YTHDC2: variants seen among roughly 807,000 people sequenced by gnomAD.
YTHDC2 encodes 3'-5' RNA helicase YTHDC2.
In YTHDC2, 45 loss-of-function variants were observed where a neutral mutation model predicts 174.9. The observed-to-expected ratio is 0.26, with a 90% confidence interval of 0.20 to 0.33. The LOEUF is 0.33. Among genes scored for constraint, YTHDC2 ranks in the 10% least tolerant of loss-of-function variants. The probability of loss-of-function intolerance (pLI) is 1.00; values close to 1 mark genes in which losing one functional copy is unlikely to be tolerated. For synonymous variants in YTHDC2, 657 were observed against 574.5 expected, an observed-to-expected ratio of 1.14 and a Z score of -2.05; for missense variants, 1,650 against 1,723.7, an observed-to-expected ratio of 0.96 and a Z score of 0.76.
At position 113,591,059 on chromosome 5, in the gene YTHDC2, C is replaced by G. The variant is rs755524541; in HGVS notation, c.3844C>G (p.Pro1282Ala). 6.2e-7 allele frequency: 1 copy of G among 1,613,718 alleles called. No homozygotes were observed. Among genetic ancestry groups the G allele is most frequent in the South Asian group, 1.1e-5 (1 of 91,050 alleles). Residue 1282 changes from proline to alanine, a missense_variant, in exon 27 of 30, where the codon CCA (proline) becomes GCA (alanine). By Grantham distance (27) the Pro-to-Ala change is conservative. Transcript: ENST00000161863. ...TTTATAGGGCTCAAAATCTCCTTCG[C>G]CAAGACCAAACATGCCTGTTCGATA... ...SSGKGSKSPS[P>A]RPNMPVRYFI...
chr5:113,535,909 C>A (rs1009525334), intron 7 of YTHDC2, 111 bp downstream of exon 7: 6 of 856,054 alleles, frequency 7.0e-6, no homozygotes, highest in Non-Finnish European at 1.7e-6. Context: ...CATCTATTAC[C>A]GTTCCACCTG....
chr5:113,544,748 C>G (rs1775739889), intron 10 of YTHDC2, among the ~76,000 whole-genome samples: 1 of 151,340 alleles, frequency 6.6e-6, no homozygotes. Flanking sequence ...TTTAATATAA[C>G]ATGATATCTG....
At chr5:113,549,116 G>T (rs1011160755) in intron 12 of YTHDC2, 96 bp downstream of exon 12, 2 of 1,037,206 alleles carry the variant, frequency 1.9e-6, no homozygotes, top group African/African-American at 3.3e-5. Context: ...ACCATTTATA[G>T]TCTTTTATCC....
intron 19 of YTHDC2, 51 bp downstream of exon 19, chr5:113,563,543 A>T: frequency 9.8e-6 from 15 of 1,529,794 alleles, no homozygotes; most frequent in Non-Finnish European, 1.3e-5. Flanking sequence ...TTGAAATTTT[A>T]AACTAAAAGG....
chr5:113,569,827 C>T (rs1777597350), intron 23 of YTHDC2, among the ~76,000 whole-genome samples: 1 of 152,100 alleles, frequency 6.6e-6, no homozygotes, highest in Admixed American at 6.5e-5. Context: ...GCTATATGGT[C>T]TCTTTTGGTT....
chr5:113,589,408 A>AAAAAATATATATATATATATAT (rs368975720), intron 26 of YTHDC2, among the ~76,000 whole-genome samples: 2 of 123,258 alleles, frequency 1.6e-5, no homozygotes, highest in African/African-American at 3.4e-5. Context: ...AAAAAAAAAA[A>AAAAAATATATATATATATATAT]ATATATATAT....
At chr5:113,555,991 C>A in intron 16 of YTHDC2, 61 bp from the exon 17 acceptor site, 2 of 988,556 alleles carry the variant, frequency 2.0e-6, no homozygotes. Context: ...TGATAACATT[C>A]TTGCTATTAC....
intron 12 of YTHDC2, among the ~76,000 whole-genome samples, chr5:113,552,588 C>T (rs1459535327): frequency 6.6e-6 from 1 of 152,046 alleles, no homozygotes. Context: ...GTTGTTTCCA[C>T]TTTCTGACTA....
rs761709790 is a variant in YTHDC2 at position 113,525,142 on chromosome 5, A to T, written c.440A>T (p.Lys147Ile). 1.9e-6 allele frequency: 3 copies of T among 1,603,662 alleles called. No homozygotes were observed. In the African/African-American group the frequency reaches 4.0e-5, roughly 22 times the overall value. The change falls in exon 3 of 30, where the codon AAA (lysine) becomes ATA (isoleucine). Residue 147 changes from lysine (K) to isoleucine (I), a missense_variant. Transcript: ENST00000161863. ...AAAGAGCGTACAGAACTTCTGCCTAAAACAGAAAGAGGAAATGTGTTTGCA... is the reference window on the plus strand; with the variant it reads ...AAAGAGCGTACAGAACTTCTGCCTATAACAGAAAGAGGAAATGTGTTTGCA... ...TNKERTELLP[K>I]TERGNVFAVE...
chr5:113,521,430 C>A (rs1773851370), intron 2 of YTHDC2, among the ~76,000 whole-genome samples: 1 of 152,014 alleles, frequency 6.6e-6, no homozygotes, highest in Non-Finnish European at 1.5e-5. Context: ...GCTTATAGTT[C>A]ATTAAGACCA....
intron 26 of YTHDC2, 100 bp downstream of exon 26, chr5:113,584,579 G>T: frequency 9.0e-7 from 1 of 1,108,546 alleles, no homozygotes; most frequent in Middle Eastern, 2.7e-4. Context: ...TTTTCTAATT[G>T]TGGCCTCTTC....
intron 9 of YTHDC2, 87 bp from the exon 10 acceptor site, chr5:113,542,281 C>T: frequency 7.4e-7 from 1 of 1,352,186 alleles, no homozygotes; most frequent in Non-Finnish European, 1.0e-6. Context: ...ATTAGTAGTC[C>T]TGATGGCCAT....
Position 113,581,544 on chromosome 5 carries a change from G to A in YTHDC2, c.3482G>A (p.Ser1161Asn). 6.2e-7 allele frequency: 1 copy of A among 1,613,978 alleles called. No individual in the cohort carries two copies. The highest frequency in any genetic ancestry group is 8.5e-7 in the Non-Finnish European group (1 of 1,179,896). Residue 1161 changes from serine to asparagine, a missense_variant, in exon 25 of 30, where the codon AGC becomes AAC. Physicochemically the swap from Ser to Asn is conservative, Grantham distance 46. Transcript: ENST00000161863. Reference sequence around the variant, plus strand: ...ATAAGAGCAATTATAGCTGTTTTAAGCACTGAAGAACAGTCTGCAGGTTTA... The same window carrying A: ...ATAAGAGCAATTATAGCTGTTTTAAACACTGAAGAACAGTCTGCAGGTTTA... ...ATIRAIIAVL[S>N]TEEQSAGLQQ...
intron 9 of YTHDC2, among the ~76,000 whole-genome samples, chr5:113,541,974 C>T (rs1046350820): frequency 1.3e-5 from 2 of 152,060 alleles, no homozygotes; most frequent in African/African-American, 4.8e-5. Flanking sequence ...AGCACCCTAC[C>T]AACAAGAGAT....
chr5:113,515,208 G>T lies in YTHDC2; in HGVS notation c.188-64G>T, dbSNP rs141736214. 6 of 1,170,022 alleles carry T rather than the reference G, an allele frequency of 5.1e-6. No individual in the cohort carries two copies. In the Admixed American group the frequency reaches 1.2e-4, roughly 23 times the overall value. The allele number at this position is 1,170,022 out of a possible 1,614,324, so 72.5% of individuals were successfully genotyped here. A position where few individuals can be genotyped will look rare whatever the true frequency, so the allele number is the denominator to read the frequency against. ...TATGTTTTTCATATTTTGTATCTGTGTGTTTTACTTGAGAGAAAATTGCCT... is the reference window on the plus strand; with the variant it reads ...TATGTTTTTCATATTTTGTATCTGTTTGTTTTACTTGAGAGAAAATTGCCT... On this transcript the variant is annotated intron_variant, in intron 1 of 29. Transcript: ENST00000161863.
In YTHDC2 at chr5:113,542,378, A is replaced by G. The variant is rs1389358161; in HGVS notation, c.1370A>G (p.Asp457Gly). The change falls in exon 10 of 30, where the codon GAT becomes GGT. Residue 457 changes from aspartate to glycine, a missense_variant. Physicochemically the swap from Asp to Gly is moderately conservative, Grantham distance 94. Coordinates refer to ENST00000161863, the MANE Select transcript of YTHDC2 (RefSeq NM_022828.5). ...DAVFSQLTEK[D>G]VNCLEPWLIK... ...TACTGTTTTTTGTAGACTGAAAAAG[A>G]TGTGAATTGCCTTGAACCATGGTTA... 10 of 1,605,906 alleles carry G rather than the reference A, an allele frequency of 6.2e-6. No individual in the cohort carries two copies. The highest frequency in any genetic ancestry group is 1.7e-5 in the Admixed American group (1 of 57,980).
chr5:113,590,308 TATTA>T (rs1778938364), intron 26 of YTHDC2, among the ~76,000 whole-genome samples: 1 of 152,224 alleles, frequency 6.6e-6, no homozygotes, highest in Non-Finnish European at 1.5e-5. Flanking sequence ...TTTATTCTGT[TATTA>T]ATTTAGTTCC....
chr5:113,555,515 T>C (rs1245776168), intron 16 of YTHDC2, among the ~76,000 whole-genome samples: 2 of 152,266 alleles, frequency 1.3e-5, no homozygotes. Flanking sequence ...ACTTTCTTCA[T>C]TGTAACGTTC....
chr5:113,534,250 T>G, intron 5 of YTHDC2, 55 bp from the exon 6 acceptor site: 2 of 1,307,208 alleles, frequency 1.5e-6, no homozygotes, highest in Non-Finnish European at 1.1e-6. Context: ...TGATTATATT[T>G]TAGTTACATG....
Sources: gnomAD v4.1 joint callset for allele counts (sites outside exome capture counted in the v4.1 genomes callset) on GRCh38, gnomAD v4.1.1 for gene constraint, MANE v1.5 for transcripts, NCBI Gene and HGNC (gene_info 2026-07-23, HGNC 2026-07-21) for gene names.